Variants in LSAMP observed in about 807,000 individuals in gnomAD.
LSAMP encodes limbic system-associated membrane protein.
Under a neutral mutation model 38.6 loss-of-function variants are expected in LSAMP, and 7 were observed. The ratio of observed to expected loss-of-function variants is 0.18; its 90% CI spans 0.10 to 0.34. LSAMP has a LOEUF of 0.34. LSAMP is among the 10% of genes least tolerant of loss of function. The probability of loss-of-function intolerance (pLI) is 1.00; values close to 1 mark genes in which losing one functional copy is unlikely to be tolerated. For synonymous variants in LSAMP, 154 were observed against 166.8 expected (o/e 0.92, Z 0.59); for missense variants, 313 against 420.0 (o/e 0.75, Z 2.23).
intron 1 of LSAMP, among the ~76,000 whole-genome samples, chr3:116,208,618 C>T (rs554785620): frequency 5.3e-5 from 8 of 152,274 alleles, no homozygotes; most frequent in East Asian, 3.9e-4. Context: ...TTCCTTCTAA[C>T]GGACAGGACC....
chr3:115,994,642 G>A (rs1939765149), intron 3 of LSAMP, among the ~76,000 whole-genome samples: 1 of 152,010 alleles, frequency 6.6e-6, no homozygotes, highest in African/African-American at 2.4e-5. Flanking sequence ...AATGTCTTGG[G>A]ATTTCAATAG....
At chr3:115,842,608 A>G (rs761135846) in intron 4 of LSAMP, 30 bp from the exon 5 acceptor site, 4 of 1,611,320 alleles carry the variant, frequency 2.5e-6, no homozygotes, top group East Asian at 2.2e-5. Flanking sequence ...ACAAGTTTAC[A>G]TGAGGGTCGG....
At chr3:116,010,760 A>C (rs1253338353) in intron 3 of LSAMP, among the ~76,000 whole-genome samples, 1 of 152,220 alleles carries the variant, frequency 6.6e-6, no homozygotes, top group Admixed American at 6.5e-5. Flanking sequence ...TAAATTACTG[A>C]AACTATTAGT....
At chr3:116,160,353 C>T (rs577971026) in intron 1 of LSAMP, among the ~76,000 whole-genome samples, 7 of 140,880 alleles carry the variant, frequency 5.0e-5, no homozygotes, top group South Asian at 5.2e-4. Flanking sequence ...GAGCCGAGAT[C>T]GTGCCATTGC....
chr3:116,351,681 G>A (rs959563862), intron 1 of LSAMP, among the ~76,000 whole-genome samples: 2 of 152,048 alleles, frequency 1.3e-5, no homozygotes. Context: ...TAGAAGCATA[G>A]CCCTAGAAAC....
rs193098545 is a variant in LSAMP, at chr3:115,854,171, T to C, written c.515-1554A>G. On this transcript the variant is annotated intron_variant, in intron 3 of 6. Transcript: ENST00000490035. ...AGAGTAATATAACATTATTTGGTTC[T>C]GAAGTTCTGCACATTATCTTTATCT... 2.7e-3 allele frequency among the ~76,000 whole-genome samples: 416 copies of C among 151,810 alleles called. 1 individual carries two copies. The highest frequency in any genetic ancestry group is 4.0e-3 in the Non-Finnish European group (271 of 67,932).
chr3:116,299,466 C>T (rs1392416676), intron 1 of LSAMP, among the ~76,000 whole-genome samples: 3 of 152,198 alleles, frequency 2.0e-5, no homozygotes, highest in Non-Finnish European at 4.4e-5. Flanking sequence ...AGTCACTATG[C>T]CTTCAGAAAT....
chr3:116,112,637 G>A (rs1708641870), intron 1 of LSAMP, among the ~76,000 whole-genome samples: 1 of 152,196 alleles, frequency 6.6e-6, no homozygotes. Context: ...AGCCTAGGAA[G>A]TGTGCAATTG....
At chr3:116,163,114 G>T (rs1276856851) in intron 1 of LSAMP, among the ~76,000 whole-genome samples, 1 of 151,620 alleles carries the variant, frequency 6.6e-6, no homozygotes, top group Non-Finnish European at 1.5e-5. Context: ...TAGGGTACAT[G>T]TGCACAACGT....
chr3:115,814,932 A>G (rs1474184359), intron 6 of LSAMP, among the ~76,000 whole-genome samples: 1 of 152,304 alleles, frequency 6.6e-6, no homozygotes, highest in African/African-American at 2.4e-5. Flanking sequence ...GGGAAGATGC[A>G]TTTAGAAGGA....
At chr3:116,005,842 A>G (rs544275968) in intron 3 of LSAMP, among the ~76,000 whole-genome samples, 1 of 152,278 alleles carries the variant, frequency 6.6e-6, no homozygotes, top group South Asian at 2.1e-4. Flanking sequence ...GGTTGGCTCT[A>G]CTGATAGGCC....
chr3:115,918,855 C>T (rs1937317005), intron 3 of LSAMP, among the ~76,000 whole-genome samples: 1 of 151,996 alleles, frequency 6.6e-6, no homozygotes, highest in Non-Finnish European at 1.5e-5. Context: ...TTCTGTGTGC[C>T]AACCTTTGTG....
rs1481582429 is a variant in LSAMP at position 115,804,645 on chromosome 3, A to C, written c.*5672T>G. 1 of 152,092 alleles carries C rather than the reference A, an allele frequency of 6.6e-6. No homozygotes were observed. 9.4% of individuals were successfully genotyped at this position (152,092 alleles called of 1,614,324 possible). A position where few individuals can be genotyped will look rare whatever the true frequency, so the allele number is the denominator to read the frequency against. On this transcript the variant is annotated 3_prime_UTR_variant, in exon 7 of 7. Coordinates refer to ENST00000490035, the MANE Select transcript of LSAMP (RefSeq NM_002338.5). ...TTAAAGCCTGAAGTTAATTTGACCT[A>C]AAATTTTTATAAGTCTTTGCAGAAA...
At position 115,828,915 on chromosome 3, in the gene LSAMP, T is replaced by G. The variant is rs188361249; in HGVS notation, c.919+12930A>C. Among the ~76,000 whole-genome samples, 760 of 152,290 alleles carry G rather than the reference T, an allele frequency of 5.0e-3. 6 individuals are homozygous for G. The highest frequency in any genetic ancestry group is 6.4e-3 in the Non-Finnish European group (438 of 68,020). ...GGACAGGGAGCTCACCAGGAAAGGC[T>G]GACTGGTGCAGGCAGATCCAGATTC... On this transcript the variant is annotated intron_variant, in intron 6 of 6. Transcript: ENST00000490035.
At chr3:115,880,892 G>C (rs1237507161) in intron 3 of LSAMP, among the ~76,000 whole-genome samples, 2 of 151,880 alleles carry the variant, frequency 1.3e-5, no homozygotes. Context: ...AAAAAAATGA[G>C]CCAGGTGTGG....
Position 115,806,934 on chromosome 3 carries a change from T to C in LSAMP, c.*3383A>G, listed in dbSNP as rs886485718. ...AAGCACCCTGGGTCAAAGTCATTTCTGTTTTTGTTAACTGAAAGTTGGGTC... is the reference window on the plus strand; with the variant it reads ...AAGCACCCTGGGTCAAAGTCATTTCCGTTTTTGTTAACTGAAAGTTGGGTC... On this transcript the variant is annotated 3_prime_UTR_variant, in exon 7 of 7. Coordinates refer to ENST00000490035, the MANE Select transcript of LSAMP (RefSeq NM_002338.5). The C allele has an allele frequency of 2.0e-5, 3 of 152,228 alleles. No individual in the cohort carries two copies. The highest frequency in any genetic ancestry group is 4.4e-5 in the Non-Finnish European group (3 of 68,052). 9.4% of individuals were successfully genotyped at this position (152,228 alleles called of 1,614,324 possible).
At chr3:115,892,160 G>A (rs1192367398) in intron 3 of LSAMP, among the ~76,000 whole-genome samples, 2 of 151,896 alleles carry the variant, frequency 1.3e-5, no homozygotes, top group Non-Finnish European at 2.9e-5. Context: ...TAAGCAAAAT[G>A]GTTCAAACCC....
intron 1 of LSAMP, among the ~76,000 whole-genome samples, chr3:116,412,630 C>A (rs891018266): frequency 6.6e-6 from 1 of 152,022 alleles, no homozygotes; most frequent in Non-Finnish European, 1.5e-5. Context: ...GAGCTTGGGT[C>A]GAAGAAAGCT....
intron 2 of LSAMP, among the ~76,000 whole-genome samples, chr3:116,066,103 G>A (rs73858512): frequency 6.6e-6 from 1 of 152,092 alleles, no homozygotes; most frequent in Non-Finnish European, 1.5e-5. Flanking sequence ...CAAAGATCAA[G>A]GTGCCAACAG....
Sources: gnomAD v4.1 joint callset for allele counts (sites outside exome capture counted in the v4.1 genomes callset) on GRCh38, gnomAD v4.1.1 for gene constraint, MANE v1.5 for transcripts, NCBI Gene and HGNC (gene_info 2026-07-23, HGNC 2026-07-21) for gene names.